Variants in TUBB8B observed in about 807,000 individuals in gnomAD.
The protein encoded by TUBB8B is tubulin beta 8B.
A neutral mutation model predicts 31.9 loss-of-function variants in TUBB8B; 26 were observed. The ratio of observed to expected loss-of-function variants is 0.81; its 90% CI spans 0.60 to 1.13. The LOEUF is 1.13. Ranked by LOEUF, TUBB8B falls within the 50% of genes most tolerant of loss-of-function variation. The probability of loss-of-function intolerance (pLI) is 0.00; values close to 1 mark genes in which losing one functional copy is unlikely to be tolerated. For synonymous variants in TUBB8B, 173 were observed against 231.0 expected, an observed-to-expected ratio of 0.75 and a Z score of 2.28; for missense variants, 467 against 586.7, an observed-to-expected ratio of 0.80 and a Z score of 2.11.
upstream of TUBB8B, among the ~76,000 whole-genome samples, chr18:51,120 CTTGA>C (rs1270433271): frequency 6.9e-6 from 1 of 144,896 alleles, no homozygotes; most frequent in African/African-American, 2.6e-5. Context: ...AGGCTTGTGC[CTTGA>C]TTATCTTGTG....
Position 48,294 on chromosome 18 carries a change from C to G in TUBB8B, c.431G>C (p.Gly144Ala). ...AATGAGAAGGGTACCCATCCCAGAC[C>G]CAGTCCCCCCACCCAGGGAGTGGGT... ...QLTHSLGGGT[G>A]SGMGTLLISK... is the part of the protein sequence containing the mutation. Residue 144 changes from glycine to alanine, a missense_variant, in exon 4 of 4, where the codon GGG becomes GCG. Physicochemically the swap from Gly to Ala is moderately conservative, Grantham distance 60 (BLOSUM62 0). Around this residue, in one of 2 missense-constraint regions of TUBB8B, gnomAD observed 259 missense variants for 380.1 expected, o/e 0.68. Coordinates refer to ENST00000308911, the MANE Select transcript of TUBB8B (RefSeq NM_001358689.2). The G allele has an allele frequency of 6.2e-7, 1 of 1,612,016 alleles. No homozygotes were observed. The highest frequency in any genetic ancestry group is 8.5e-7 in the Non-Finnish European group (1 of 1,178,602).
chr18:61,914 C>T, the TUBB8B span, among the ~76,000 whole-genome samples: 1 of 151,660 alleles, frequency 6.6e-6, no homozygotes, highest in Middle Eastern at 3.4e-3. Flanking sequence ...TGTGTTTTTC[C>T]ATGTGCTATT....
chr18:48,856 T>G, intron 3 of TUBB8B, 84 bp downstream of exon 3: 1 of 990,656 alleles, frequency 1.0e-6, no homozygotes, highest in Non-Finnish European at 1.6e-6. Context: ...GGCGCCACAG[T>G]TCCCACAGGA....
At chr18:72,970 GAAACA>G in the TUBB8B span, among the ~76,000 whole-genome samples, 1 of 152,094 alleles carries the variant, frequency 6.6e-6, no homozygotes, top group Non-Finnish European at 1.5e-5. Context: ...CGTCTCGAAA[GAAACA>G]AAACAAAACA....
the TUBB8B span, among the ~76,000 whole-genome samples, chr18:59,810 C>T: frequency 6.6e-6 from 1 of 151,722 alleles, no homozygotes; most frequent in African/African-American, 2.4e-5. Flanking sequence ...TCCAAAAGTG[C>T]TGGGATTACA....
At chr18:69,851 GA>G in the TUBB8B span, among the ~76,000 whole-genome samples, 1 of 152,172 alleles carries the variant, frequency 6.6e-6, no homozygotes, top group Admixed American at 6.5e-5. Context: ...AGATAAATTA[GA>G]AGTCAAATAA....
At chr18:64,073 C>G in the TUBB8B span, among the ~76,000 whole-genome samples, 1 of 151,888 alleles carries the variant, frequency 6.6e-6, no homozygotes, top group East Asian at 1.9e-4. Context: ...AACCCCAACA[C>G]TAACCCCTAA....
At position 48,378 on chromosome 18, in the gene TUBB8B, A is replaced by T. The variant is rs763663474; in HGVS notation, c.347T>A (p.Val116Glu). The change falls in exon 4 of 4, where the codon GTG becomes GAG. Residue 116 changes from valine to glutamate, a missense_variant. Physicochemically the swap from Val to Glu is moderately radical, Grantham distance 121. Coordinates refer to ENST00000308911, the MANE Select transcript of TUBB8B (RefSeq NM_001358689.2). ...AGCCTCCTTTCTGACAACGTCCATC[A>T]CTGACTCCGTCAGCTCCGCGCCTTC... ...YTEGAELTES[V>E]MDVVRKEAES... 4 of 1,612,390 alleles carry T rather than the reference A, an allele frequency of 2.5e-6. No individual in the cohort carries two copies. Among genetic ancestry groups the T allele is most frequent in the Admixed American group, 1.7e-5 (1 of 59,996 alleles).
chr18:51,905 C>T (rs1182720437), upstream of TUBB8B, among the ~76,000 whole-genome samples: 1 of 151,674 alleles, frequency 6.6e-6, no homozygotes, highest in African/African-American at 2.4e-5. Context: ...TTATTAGCAG[C>T]ATGAGAGCAG....
At chr18:69,760 G>T in the TUBB8B span, among the ~76,000 whole-genome samples, 1 of 152,186 alleles carries the variant, frequency 6.6e-6, no homozygotes, top group East Asian at 1.9e-4. Flanking sequence ...GATAAACTAA[G>T]AAGTATATTT....
At position 49,311 on chromosome 18, in the gene TUBB8B, C is replaced by CCCTCAT. The variant is rs1198513134; in HGVS notation, c.58-75_58-74insATGAGG. 3.2e-5 allele frequency: 43 copies of CCCTCAT among 1,330,758 alleles called. 1 individual carries two copies. Among genetic ancestry groups the CCCTCAT allele is most frequent in the Admixed American group, 1.2e-4 (6 of 49,874 alleles). The allele number at this position is 1,330,758 out of a possible 1,614,324, so 82.4% of individuals were successfully genotyped here. A position where few individuals can be genotyped will look rare whatever the true frequency, so the allele number is the denominator to read the frequency against. On this transcript the variant is annotated intron_variant, in intron 1 of 3. Transcript: ENST00000308911. ...CGCCCCAGCCGCTCTCCCACCCCCA[C>CCCTCAT]CCGCACCCCCATCCCTAGGCCGCCC...
chr18:47,830 T>G lies in TUBB8B; in HGVS notation c.895A>C (p.Met299Leu), dbSNP rs1600573631. ...TGACGGGGGTCACAGGCAGCCATCATGTTCTTAGCATCAAACATCTGCTGG... is the reference window on the plus strand; with the variant it reads ...TGACGGGGGTCACAGGCAGCCATCAGGTTCTTAGCATCAAACATCTGCTGG... ...LTQQMFDAKN[M>L]MAACDPRHGC... Residue 299 changes from methionine to leucine, a missense_variant, in exon 4 of 4, where the codon ATG (methionine) becomes CTG (leucine). Transcript: ENST00000308911. 4 of 1,611,684 alleles carry G rather than the reference T, an allele frequency of 2.5e-6. No homozygotes were observed. The East Asian group carries it at 8.9e-5, about 36-fold the overall frequency.
At chr18:72,966 G>C in the TUBB8B span, among the ~76,000 whole-genome samples, 1 of 152,050 alleles carries the variant, frequency 6.6e-6, no homozygotes, top group African/African-American at 2.4e-5. Flanking sequence ...AGTCCGTCTC[G>C]AAAGAAACAA....
the TUBB8B span, among the ~76,000 whole-genome samples, chr18:56,365 T>C: frequency 1.4e-4 from 22 of 151,824 alleles, no homozygotes; most frequent in African/African-American, 5.3e-4. Flanking sequence ...GGAATGTCAT[T>C]GTTATTTTGA....
the TUBB8B span, among the ~76,000 whole-genome samples, chr18:54,922 G>A: frequency 3.0e-3 from 412 of 136,120 alleles, no homozygotes; most frequent in African/African-American, 6.8e-3. Context: ...GATCAGTAAT[G>A]TGGAGCACCT....
At chr18:53,069 A>G (rs1906174073), upstream of TUBB8B, among the ~76,000 whole-genome samples, 2 of 151,806 alleles carry the variant, frequency 1.3e-5, 1 homozygote, top group Non-Finnish European at 2.9e-5. Context: ...TTGTATGGCC[A>G]TAAATATTCT....
upstream of TUBB8B, among the ~76,000 whole-genome samples, chr18:51,210 G>A (rs1906089953): frequency 6.6e-6 from 1 of 151,804 alleles, no homozygotes; most frequent in South Asian, 2.1e-4. Context: ...CTCTGCCTTG[G>A]GATGGTCAAG....
the TUBB8B span, among the ~76,000 whole-genome samples, chr18:56,975 T>C: frequency 2.6e-5 from 4 of 151,856 alleles, no homozygotes; most frequent in African/African-American, 9.7e-5. Flanking sequence ...AACTTACTAT[T>C]GTGAGAATGG....
At chr18:49,997 A>G (rs1473073807), upstream of TUBB8B, 6 of 434,322 alleles carry the variant, frequency 1.4e-5, no homozygotes, top group Non-Finnish European at 1.8e-5. Flanking sequence ...GTGGTTAGGA[A>G]AGGCCTTCCA....
Sources: allele counts gnomAD v4.1 joint callset (sites outside exome capture counted in the v4.1 genomes callset), GRCh38; gene constraint gnomAD v4.1.1; regional missense constraint gnomAD v4.1.1; transcripts MANE v1.5; gene names NCBI Gene and HGNC (gene_info 2026-07-23, HGNC 2026-07-21).